The following AIF1L variants were observed in gnomAD, a reference collection of about 807,000 sequenced individuals.
AIF1L encodes allograft inflammatory factor 1-like.
A neutral mutation model predicts 20.7 loss-of-function variants in AIF1L; 12 were observed. The observed-to-expected ratio is 0.58, with a 90% CI of 0.37 to 0.94. The LOEUF is 0.94. AIF1L is among the 40% of genes least tolerant of loss of function. AIF1L has a pLI of 0.01. For synonymous variants in AIF1L, 76 were observed against 65.1 expected (o/e 1.17, Z -0.81); for missense variants, 173 against 185.3 (o/e 0.93, Z 0.39).
chr9:131,102,382 G>A (rs1019694327), intron 2 of AIF1L, among the ~76,000 whole-genome samples: 2 of 152,176 alleles, frequency 1.3e-5, no homozygotes, highest in African/African-American at 2.4e-5. Flanking sequence ...TTTTTCCTAT[G>A]TACCTGGCAG....
At chr9:131,105,361 GT>G (rs1202574398) in intron 2 of AIF1L, among the ~76,000 whole-genome samples, 1 of 152,168 alleles carries the variant, frequency 6.6e-6, no homozygotes, top group Non-Finnish European at 1.5e-5. Context: ...CATTTGTCAT[GT>G]TTTGTTTTGT....
intron 4 of AIF1L, among the ~76,000 whole-genome samples, chr9:131,115,830 C>T (rs537022900): frequency 1.2e-4 from 18 of 151,320 alleles, no homozygotes; most frequent in Middle Eastern, 3.4e-3. Flanking sequence ...AAAAATTAGC[C>T]GGGCATGGTG....
Position 131,120,260 on chromosome 9 carries a change from A to C in AIF1L, c.391A>C (p.Asn131His). The C allele has an allele frequency of 1.2e-6, 2 of 1,613,654 alleles. No individual in the cohort carries two copies. Among genetic ancestry groups the C allele is most frequent in the Non-Finnish European group, 1.7e-6 (2 of 1,179,876 alleles). The part of the protein sequence containing the change: ...KLVMMFEGKA[N>H]ESSPKPVGPP... ...AGTCATGATGTTTGAAGGAAAAGCC[A>C]ACGAGAGCAGCCCCAAGCCAGTTGG... Residue 131 changes from asparagine (N) to histidine (H), a missense_variant, in exon 6 of 6, where the codon AAC becomes CAC. Transcript: ENST00000247291.
intron 2 of AIF1L, chr9:131,102,907 C>T (rs1245917513): frequency 2.2e-6 from 1 of 456,198 alleles, no homozygotes; most frequent in African/African-American, 2.0e-5. Context: ...TGATATCCGC[C>T]CACCCCAAAA....
At chr9:131,107,346 C>T (rs1471428536) in intron 2 of AIF1L, among the ~76,000 whole-genome samples, 1 of 152,198 alleles carries the variant, frequency 6.6e-6, no homozygotes, top group East Asian at 1.9e-4. Context: ...CCATGTCCTT[C>T]CACTTGCACC....
intron 2 of AIF1L, among the ~76,000 whole-genome samples, chr9:131,101,524 T>G (rs1185764130): frequency 1.3e-5 from 2 of 152,050 alleles, no homozygotes; most frequent in Non-Finnish European, 1.5e-5. Context: ...TTTTTTTTTT[T>G]TGTGGAGACA....
Position 131,122,474 on chromosome 9 carries a change from G to A in AIF1L, c.*2152G>A, listed in dbSNP as rs201720167. 3 of 148,942 alleles carry A rather than the reference G, an allele frequency of 2.0e-5. No individual in the cohort carries two copies. The highest frequency in any genetic ancestry group is 4.5e-5 in the Non-Finnish European group (3 of 67,200). 9.2% of individuals were successfully genotyped at this position (148,942 alleles called of 1,614,324 possible). ...CTACCCCCACCCTGCCCTGTTTTTT[G>A]TTTTTTTTTTCCCCAAGATCATTAG... On this transcript the variant is annotated 3_prime_UTR_variant, in exon 6 of 6. Transcript: ENST00000247291.
At chr9:131,103,592 C>T (rs1033470616) in intron 2 of AIF1L, among the ~76,000 whole-genome samples, 10 of 152,210 alleles carry the variant, frequency 6.6e-5, no homozygotes, top group Non-Finnish European at 5.9e-5. Flanking sequence ...TGCAGTGATC[C>T]TGCAGATCGT....
At position 131,121,137 on chromosome 9, in the gene AIF1L, G is replaced by A. The variant is rs1392980281; in HGVS notation, c.*815G>A. On this transcript the variant is annotated 3_prime_UTR_variant, in exon 6 of 6. Coordinates refer to ENST00000247291, the MANE Select transcript of AIF1L (RefSeq NM_031426.4). ...GAGGTTACTGAGGGGACCAGGATGG[G>A]AGAATGAGGAGTAAAATGCTCACGG... 1 of 713,760 alleles carries A rather than the reference G, an allele frequency of 1.4e-6. No individual in the cohort carries two copies. Among genetic ancestry groups the A allele is most frequent in the Non-Finnish European group, 2.6e-6 (1 of 383,294 alleles). The allele number at this position is 713,760 out of a possible 1,614,324, so 44.2% of individuals were successfully genotyped here. A position where few individuals can be genotyped will look rare whatever the true frequency, so the allele number is the denominator to read the frequency against.
In AIF1L at chr9:131,122,445, A is replaced by G. The variant is rs1306648567; in HGVS notation, c.*2123A>G. 6.6e-6 allele frequency: 1 copy of G among 150,806 alleles called. No homozygotes were observed. The highest frequency in any genetic ancestry group is 1.5e-5 in the Non-Finnish European group (1 of 67,818). 9.3% of individuals were successfully genotyped at this position (150,806 alleles called of 1,614,324 possible). On this transcript the variant is annotated 3_prime_UTR_variant, in exon 6 of 6. Coordinates refer to ENST00000247291, the MANE Select transcript of AIF1L (RefSeq NM_031426.4). ...TTCCTCCCTGTAAATGGAAAATCCT[A>G]CTTCTACCCCCACCCTGCCCTGTTT...
intron 1 of AIF1L, 48 bp from the exon 2 acceptor site, chr9:131,096,754 G>T: frequency 6.7e-7 from 1 of 1,500,448 alleles, no homozygotes. Flanking sequence ...GGGGGCGCGT[G>T]GCCCGAAGAG....
At chr9:131,118,881 C>T (rs984955005) in intron 5 of AIF1L, among the ~76,000 whole-genome samples, 1 of 152,142 alleles carries the variant, frequency 6.6e-6, no homozygotes, top group Non-Finnish European at 1.5e-5. Context: ...CCACTACCCC[C>T]ACAGGCTTGT....
At chr9:131,111,833 G>A (rs1830895001) in intron 3 of AIF1L, 170 bp downstream of exon 3, 1 of 679,828 alleles carries the variant, frequency 1.5e-6, no homozygotes, top group East Asian at 2.7e-5. Context: ...GAGAGGTGGG[G>A]AGAGGCCCCT....
At chr9:131,114,385 C>A in intron 3 of AIF1L, 192 bp from the exon 4 acceptor site, 1 of 613,350 alleles carries the variant, frequency 1.6e-6, no homozygotes, top group Non-Finnish European at 3.0e-6. Flanking sequence ...GAGAGTAGTC[C>A]AGGCAGGATG....
At chr9:131,105,036 A>G (rs567050648) in intron 2 of AIF1L, among the ~76,000 whole-genome samples, 2 of 151,058 alleles carry the variant, frequency 1.3e-5, no homozygotes, top group South Asian at 4.2e-4. Flanking sequence ...TCCTCTGCCT[A>G]TGGACCCAGG....
At chr9:131,111,716 C>T in intron 3 of AIF1L, 53 bp downstream of exon 3, 1 of 1,566,242 alleles carries the variant, frequency 6.4e-7, no homozygotes, top group Non-Finnish European at 8.8e-7. Flanking sequence ...TGGGCTGGCC[C>T]CTCATCCTTG....
chr9:131,097,191 G>C (rs1187047277), intron 2 of AIF1L, among the ~76,000 whole-genome samples: 1 of 152,226 alleles, frequency 6.6e-6, no homozygotes, highest in East Asian at 1.9e-4. Flanking sequence ...GATTTGGCGC[G>C]GGAAGGGCCC....
In AIF1L at chr9:131,112,709, C is replaced by G. The variant is rs73658929; in HGVS notation, c.160+1046C>G. On this transcript the variant is annotated intron_variant, in intron 3 of 5. Coordinates refer to ENST00000247291, the MANE Select transcript of AIF1L (RefSeq NM_031426.4). Reference sequence around the variant, plus strand: ...CCAAAGCCCCTGCTCTCAACTGTTACGCTATGATGCTTTTTACATGAAGAA... The same window carrying G: ...CCAAAGCCCCTGCTCTCAACTGTTAGGCTATGATGCTTTTTACATGAAGAA... 5.9e-5 allele frequency among the ~76,000 whole-genome samples: 9 copies of G among 152,218 alleles called. No homozygotes were observed. In the South Asian group the frequency reaches 1.7e-3, roughly 28 times the overall value.
intron 2 of AIF1L, 110 bp downstream of exon 2, chr9:131,096,973 C>T (rs1830543769): frequency 1.6e-6 from 2 of 1,247,304 alleles, no homozygotes; most frequent in South Asian, 3.4e-5. Flanking sequence ...TCTTCCTTCC[C>T]TTCCCCTGGG....
Sources: allele counts gnomAD v4.1 joint callset (sites outside exome capture counted in the v4.1 genomes callset), GRCh38; gene constraint gnomAD v4.1.1; transcripts MANE v1.5; gene names NCBI Gene and HGNC (gene_info 2026-07-23, HGNC 2026-07-21).